MTOR: variants seen among roughly 807,000 people sequenced by gnomAD.
MTOR encodes mechanistic target of rapamycin kinase.
A neutral mutation model predicts 319.8 loss-of-function variants in MTOR; 70 were observed. That is an observed-to-expected ratio of 0.22 (90% CI 0.18 to 0.27). MTOR has a LOEUF of 0.27. MTOR is among the 10% of genes least tolerant of loss of function. The pLI is 1.00. For missense variants in MTOR, 1,890 were observed against 3,274.4 expected (o/e 0.58, Z 10.32); for synonymous variants, 1,183 against 1,211.4 (o/e 0.98, Z 0.49).
At position 11,127,804 on chromosome 1, in the gene MTOR, C is replaced by T. The variant is rs1642916355; in HGVS notation, c.6036G>A (p.Val2012=). The change falls in exon 44 of 58, where the codon GTG becomes GTA. Residue 2012 remains valine, a splice_region_variant and synonymous_variant. Coordinates refer to ENST00000361445, the MANE Select transcript of MTOR (RefSeq NM_004958.4). This position sits in a 1 kb window ranked among gnomAD's most constrained non-coding sequence, Gnocchi z 5.5. ...TGGCCACTCGGATCAGCTCCTCGCTCACCTGAAGCCAAGAGAAGAAGGAGA... is the reference window on the plus strand; with the variant it reads ...TGGCCACTCGGATCAGCTCCTCGCTTACCTGAAGCCAAGAGAAGAAGGAGA... ...SNTLVQQAMM[V]SEELIRVAIL... 1 of 1,609,330 alleles carries T rather than the reference C, an allele frequency of 6.2e-7. No homozygotes were observed. Among genetic ancestry groups the T allele is most frequent in the African/African-American group, 1.3e-5 (1 of 74,694 alleles).
At position 11,212,342 on chromosome 1, in the gene MTOR, C is replaced by A; in HGVS notation, c.3531G>T (p.Leu1177=). The change falls in exon 23 of 58, where the codon CTG becomes CTT. Residue 1177 remains leucine (L), a synonymous_variant. Transcript: ENST00000361445. The surrounding 1 kb of genome is among the most constrained non-coding windows in gnomAD (Gnocchi z 4.1). ...TCCCCAGCTGAAAAACAAGTGAAGA[C>A]AGCGTGTCCATGGCTGTGGAGCGCA... ...PELRSTAMDT[L]SSLVFQLGKK... 6.2e-7 allele frequency: 1 copy of A among 1,614,076 alleles called. No homozygotes were observed. The highest frequency in any genetic ancestry group is 8.5e-7 in the Non-Finnish European group (1 of 1,179,980).
chr1:11,208,389 G>T (rs1459561713), intron 25 of MTOR, among the ~76,000 whole-genome samples: 1 of 152,236 alleles, frequency 6.6e-6, no homozygotes, highest in Non-Finnish European at 1.5e-5. Flanking sequence ...CGCAAAGCTG[G>T]GCGTGAGCCC....
intron 28 of MTOR, among the ~76,000 whole-genome samples, chr1:11,197,910 T>C (rs1645839394): frequency 6.6e-6 from 1 of 152,246 alleles, no homozygotes; most frequent in Non-Finnish European, 1.5e-5. Context: ...CTTTCAATTA[T>C]ATTTGCTTAC....
rs558397678 is a variant in MTOR, at chr1:11,133,535, T to C, written c.5247-338A>G. Among the ~76,000 whole-genome samples the C allele has an allele frequency of 7.1e-4, 108 of 152,292 alleles. No homozygotes were observed. Among genetic ancestry groups the C allele is most frequent in the Non-Finnish European group, 1.2e-3 (83 of 68,032 alleles). On this transcript the variant is annotated intron_variant, in intron 37 of 57. Transcript: ENST00000361445. The surrounding 1 kb of genome is among the most constrained non-coding windows in gnomAD (Gnocchi z 4.0). Reference sequence around the variant, plus strand: ...AGTTACTTCTTTATTGATTGCTATATGGCTTCTCCCTTACTTTTCCCTTTG... The same window carrying C: ...AGTTACTTCTTTATTGATTGCTATACGGCTTCTCCCTTACTTTTCCCTTTG...
intron 19 of MTOR, among the ~76,000 whole-genome samples, chr1:11,218,397 T>C (rs1646548421): frequency 6.7e-6 from 1 of 150,030 alleles, no homozygotes; most frequent in African/African-American, 2.5e-5. Context: ...ACCATTGTAC[T>C]CCAACCTGGG....
rs550010652 is a variant in MTOR, at chr1:11,199,095, G to A, written c.4253+163C>T. 1.0e-3 allele frequency among the ~76,000 whole-genome samples: 154 copies of A among 152,322 alleles called. 2 individuals carry two copies. The South Asian group carries it at 0.032, about 31-fold the overall frequency. ...ACAATCATGGCTAGATTCCTGGGGAGAGCCATCTGCAACAACATGTCATTT... is the reference window on the plus strand; with the variant it reads ...ACAATCATGGCTAGATTCCTGGGGAAAGCCATCTGCAACAACATGTCATTT... On this transcript the variant is annotated intron_variant, in intron 28 of 57. Transcript: ENST00000361445. The surrounding 1 kb of genome is among the most constrained non-coding windows in gnomAD (Gnocchi z 4.5).
intron 28 of MTOR, among the ~76,000 whole-genome samples, chr1:11,186,799 G>A (rs1390579254): frequency 1.3e-5 from 2 of 152,190 alleles, no homozygotes; most frequent in Non-Finnish European, 2.9e-5. Flanking sequence ...TTAGAAAATA[G>A]ATAATCTTCT....
chr1:11,193,679 C>T, intron 28 of MTOR: 1 of 1,614,084 alleles, frequency 6.2e-7, no homozygotes. Flanking sequence ...GCAGTACAAG[C>T]AGGGCTTTGG....
chr1:11,256,246 CAGG>C (rs1045723358), intron 4 of MTOR, 54 bp from the exon 5 acceptor site: 29 of 1,566,842 alleles, frequency 1.9e-5, no homozygotes, highest in South Asian at 2.4e-5. Flanking sequence ...TTTGTTCTCT[CAGG>C]AGTACAGTCT....
chr1:11,173,317 G>T (rs1357259245), intron 28 of MTOR, among the ~76,000 whole-genome samples: 2 of 151,686 alleles, frequency 1.3e-5, no homozygotes, highest in African/African-American at 2.4e-5. Context: ...TCACAACAAG[G>T]TCTGGTTCTG....
At position 11,133,272 on chromosome 1, in the gene MTOR, G is replaced by A. The variant is rs1643248427; in HGVS notation, c.5247-75C>T. On this transcript the variant is annotated intron_variant, in intron 37 of 57. Transcript: ENST00000361445. This position sits in a 1 kb window ranked among gnomAD's most constrained non-coding sequence, Gnocchi z 4.0. ...CTCCTAAGAGGACCACAAATTGTTAGGGGACACTGAAGCCCTTCTGGTATT... is the reference window on the plus strand; with the variant it reads ...CTCCTAAGAGGACCACAAATTGTTAAGGGACACTGAAGCCCTTCTGGTATT... 7.8e-7 allele frequency: 1 copy of A among 1,280,366 alleles called. No homozygotes were observed. 79.3% of individuals were successfully genotyped at this position (1,280,366 alleles called of 1,614,324 possible).
intron 30 of MTOR, among the ~76,000 whole-genome samples, chr1:11,154,319 T>C (rs1156787353): frequency 6.6e-6 from 1 of 151,910 alleles, no homozygotes; most frequent in Non-Finnish European, 1.5e-5. Context: ...GTCAAACTTC[T>C]GGGCTCAAGC....
chr1:11,257,566 G>GAAAA (rs70977557), intron 3 of MTOR, among the ~76,000 whole-genome samples: 1 of 64,842 alleles, frequency 1.5e-5, no homozygotes, highest in African/African-American at 5.8e-5. Context: ...CTGTCTCAGA[G>GAAAA]AAAAAAAAAA....
chr1:11,126,453 C>T (rs924860908), intron 46 of MTOR, among the ~76,000 whole-genome samples, 169 bp downstream of exon 46: 2 of 152,080 alleles, frequency 1.3e-5, no homozygotes, highest in African/African-American at 4.8e-5. Flanking sequence ...GTCCTGAGGA[C>T]ATAATGAGAA....
chr1:11,221,719 G>A (rs1646668085), intron 19 of MTOR, among the ~76,000 whole-genome samples: 1 of 147,846 alleles, frequency 6.8e-6, no homozygotes, highest in Non-Finnish European at 1.5e-5. Context: ...TATATATAGT[G>A]TATATATACA....
intron 19 of MTOR, among the ~76,000 whole-genome samples, chr1:11,222,027 G>T (rs951400172): frequency 5.3e-5 from 8 of 151,182 alleles, no homozygotes; most frequent in Non-Finnish European, 1.0e-4. Flanking sequence ...AAGGTGCCTG[G>T]CTCACCTCTG....
chr1:11,224,526 T>C (rs1208851568), intron 19 of MTOR, among the ~76,000 whole-genome samples: 1 of 152,042 alleles, frequency 6.6e-6, no homozygotes, highest in Non-Finnish European at 1.5e-5. Context: ...CAAACAAAAA[T>C]TAGAAGGACA....
rs199502742 is a variant in MTOR, at chr1:11,237,995, G to A, written c.2056C>T (p.His686Tyr). ...LASLDERFDA[H>Y]LAQAENLQAL... The stretch of plus-strand genomic sequence containing the variant: ...TGCAAGTTCTCCGCCTGGGCCAGGT[G>A]TGCATCAAAGCGCTCGTCCAGGGAC... Residue 686 changes from histidine (H) to tyrosine (Y), a missense_variant, in exon 13 of 58, where the codon CAC (histidine) becomes TAC (tyrosine). His to Tyr is a moderately conservative substitution (Grantham distance 83). This residue lies in a region of MTOR where 377 missense variants were observed against 653.9 expected (regional missense o/e 0.58). Coordinates refer to ENST00000361445, the MANE Select transcript of MTOR (RefSeq NM_004958.4). The A allele has an allele frequency of 9.9e-6, 16 of 1,614,200 alleles. No homozygotes were observed. Among genetic ancestry groups the A allele is most frequent in the South Asian group, 4.4e-5 (4 of 91,090 alleles).
At chr1:11,193,828 G>A (rs990980487) in intron 28 of MTOR, 117 of 1,557,844 alleles carry the variant, frequency 7.5e-5, no homozygotes, top group Non-Finnish European at 9.2e-5. Context: ...ACACATGACC[G>A]CGTACAACTC....
Sources: allele counts gnomAD v4.1 joint callset (sites outside exome capture counted in the v4.1 genomes callset), GRCh38; gene constraint gnomAD v4.1.1; regional missense constraint gnomAD v4.1.1; non-coding constraint Gnocchi (gnomAD v3.1); transcripts MANE v1.5; gene names NCBI Gene and HGNC (gene_info 2026-07-23, HGNC 2026-07-21).